The following MYO3A variants were observed in gnomAD, a reference collection of about 807,000 sequenced individuals.
The protein encoded by MYO3A is myosin-IIIa.
A neutral mutation model predicts 192.7 loss-of-function variants in MYO3A; 180 were observed. The ratio of observed to expected loss-of-function variants is 0.93; its 90% confidence interval spans 0.83 to 1.06. The LOEUF is 1.06. MYO3A is among the 50% of genes least tolerant of loss of function. MYO3A has a pLI of 0.00. For synonymous variants in MYO3A, 628 were observed against 645.3 expected (o/e 0.97, Z 0.41); for missense variants, 1,896 against 1,905.0 (o/e 1.00, Z 0.09).
At chr10:26,119,957 A>T (rs189722936) in intron 17 of MYO3A, among the ~76,000 whole-genome samples, 30 of 150,904 alleles carry the variant, frequency 2.0e-4, no homozygotes, top group Admixed American at 4.6e-4. Context: ...GGAGTTCGAG[A>T]CCAGCCTGGG....
At position 26,115,753 on chromosome 10, in the gene MYO3A, A is replaced by G. The variant is rs1838465080; in HGVS notation, c.1777-4923A>G. On this transcript the variant is annotated intron_variant, in intron 17 of 34. Coordinates refer to ENST00000642920, the MANE Select transcript of MYO3A (RefSeq NM_017433.5). ...GGACAGGGCAGGCTTACAAGGACTGATAAGTGCCTTCTAAACTTTCTAATA... is the reference window on the plus strand; with the variant it reads ...GGACAGGGCAGGCTTACAAGGACTGGTAAGTGCCTTCTAAACTTTCTAATA... Among the ~76,000 whole-genome samples the G allele has an allele frequency of 2.0e-5, 3 of 152,208 alleles. No individual in the cohort carries two copies. In the South Asian group the frequency reaches 6.2e-4, roughly 31 times the overall value.
intron 29 of MYO3A, among the ~76,000 whole-genome samples, chr10:26,171,818 T>A (rs150552507): frequency 6.6e-6 from 1 of 152,312 alleles, no homozygotes; most frequent in East Asian, 1.9e-4. Context: ...ATGGACTAAT[T>A]GTACTACTTC....
intron 27 of MYO3A, among the ~76,000 whole-genome samples, chr10:26,167,300 A>C (rs944477377): frequency 1.7e-5 from 2 of 115,514 alleles, no homozygotes; most frequent in South Asian, 4.5e-4. Context: ...TAAGAGATTT[A>C]AAAAAAAAGC....
chr10:26,148,066 A>G (rs538962752), intron 23 of MYO3A, among the ~76,000 whole-genome samples: 20 of 152,216 alleles, frequency 1.3e-4, no homozygotes, highest in Non-Finnish European at 2.9e-4. Context: ...AGTTTTATTG[A>G]AGTATAACTG....
At chr10:25,991,111 T>G (rs1839999244) in intron 4 of MYO3A, among the ~76,000 whole-genome samples, 1 of 152,184 alleles carries the variant, frequency 6.6e-6, no homozygotes, top group Non-Finnish European at 1.5e-5. Flanking sequence ...ATGGTTGAAC[T>G]AGTTTACAGT....
intron 8 of MYO3A, 183 bp downstream of exon 8, chr10:26,021,831 G>A: frequency 2.6e-6 from 2 of 760,148 alleles, no homozygotes; most frequent in Non-Finnish European, 4.3e-6. Flanking sequence ...GCATTTCCCT[G>A]GTCTAAGTAA....
At chr10:25,978,682 C>T (rs919525722) in intron 4 of MYO3A, among the ~76,000 whole-genome samples, 12 of 151,962 alleles carry the variant, frequency 7.9e-5, no homozygotes, top group Non-Finnish European at 4.4e-5. Context: ...AAGAATATTA[C>T]AGAATATAGA....
chr10:26,058,935 A>G (rs1440613208), intron 10 of MYO3A, among the ~76,000 whole-genome samples: 3 of 113,710 alleles, frequency 2.6e-5, no homozygotes, highest in Non-Finnish European at 4.3e-5. Context: ...TAAGTATTTC[A>G]TTGGGGGGTG....
chr10:26,135,237 TG>T (rs1396851308), intron 20 of MYO3A, among the ~76,000 whole-genome samples: 1 of 152,092 alleles, frequency 6.6e-6, no homozygotes, highest in Non-Finnish European at 1.5e-5. Flanking sequence ...TAATCTCCTG[TG>T]CAGAAGAAAA....
Position 26,174,391 on chromosome 10 carries a change from A to G in MYO3A, c.4127A>G (p.His1376Arg), listed in dbSNP as rs1564621234. ...LRKDKMSSFKHQRIVTTPTEV... is the reference protein window; with the variant it reads ...LRKDKMSSFKRQRIVTTPTEV... ...AAGGACAAGATGTCTTCTTTTAAGC[A>G]TCAGAGGATTGTCACAACACCAACA... The change falls in exon 30 of 35, where the codon CAT becomes CGT. Residue 1376 changes from histidine (H) to arginine (R), a missense_variant. By Grantham distance (29) the His-to-Arg change is conservative. Transcript: ENST00000642920. The G allele has an allele frequency of 1.2e-6, 2 of 1,614,234 alleles. No individual in the cohort carries two copies. The highest frequency in any genetic ancestry group is 1.7e-6 in the Non-Finnish European group (2 of 1,180,046).
At chr10:26,094,714 G>A (rs981331829) in intron 15 of MYO3A, among the ~76,000 whole-genome samples, 11 of 152,232 alleles carry the variant, frequency 7.2e-5, no homozygotes, top group African/African-American at 2.2e-4. Flanking sequence ...GTGAGCCACC[G>A]CACGCGGCAA....
rs1841722081 is a variant in MYO3A at position 26,165,984 on chromosome 10, G to A, written c.3000-83G>A. 12 of 1,109,746 alleles carry A rather than the reference G, an allele frequency of 1.1e-5. No homozygotes were observed. The South Asian group carries it at 1.5e-4, about 14-fold the overall frequency. The allele number at this position is 1,109,746 out of a possible 1,614,324, so 68.7% of individuals were successfully genotyped here. ...TCTGGGCATCTCTTCCTCAGCCCCT[G>A]CACTAAGTTGTTGGGGAACCACCAA... On this transcript the variant is annotated intron_variant, in intron 26 of 34. Transcript: ENST00000642920.
intron 4 of MYO3A, among the ~76,000 whole-genome samples, chr10:25,990,528 T>C (rs1293879516): frequency 6.7e-6 from 1 of 148,150 alleles, no homozygotes; most frequent in African/African-American, 2.6e-5. Context: ...TTTTTTATTA[T>C]ACTTTTAAGT....
intron 18 of MYO3A, among the ~76,000 whole-genome samples, chr10:26,124,172 G>T (rs1839050946): frequency 1.6e-5 from 2 of 124,234 alleles, no homozygotes; most frequent in Admixed American, 9.6e-5. Flanking sequence ...TTGGATGACA[G>T]AGCGAGACTT....
chr10:26,055,549 G>A (rs1182223695), intron 10 of MYO3A, among the ~76,000 whole-genome samples: 2 of 152,184 alleles, frequency 1.3e-5, no homozygotes, highest in Admixed American at 1.3e-4. Flanking sequence ...GTTAAAAACT[G>A]TAGGAGATTC....
chr10:26,212,361 T>G lies in MYO3A; in HGVS notation c.*398T>G. On this transcript the variant is annotated 3_prime_UTR_variant, in exon 35 of 35. Coordinates refer to ENST00000642920, the MANE Select transcript of MYO3A (RefSeq NM_017433.5). The stretch of plus-strand genomic sequence containing the variant: ...TGACTGAATTCACAGATTTTTTTTT[T>G]TATTGGAAACGGCTTTTCTTGGCCA... 2.7e-6 allele frequency: 1 copy of G among 366,776 alleles called. No homozygotes were observed. The highest frequency in any genetic ancestry group is 2.1e-5 in the African/African-American group (1 of 48,160). The allele number at this position is 366,776 out of a possible 1,614,324, so 22.7% of individuals were successfully genotyped here. A position where few individuals can be genotyped will look rare whatever the true frequency, so the allele number is the denominator to read the frequency against.
At chr10:26,100,441 T>A (rs1455280479) in intron 17 of MYO3A, among the ~76,000 whole-genome samples, 1 of 152,230 alleles carries the variant, frequency 6.6e-6, no homozygotes, top group Non-Finnish European at 1.5e-5. Context: ...TCTTGCCTTC[T>A]GCTAGCTTTT....
rs375749535 is a variant in MYO3A at position 26,158,258 on chromosome 10, T to A, written c.2999+743T>A. Among the ~76,000 whole-genome samples, 336 of 147,382 alleles carry A rather than the reference T, an allele frequency of 2.3e-3. 1 individual carries two copies. Among genetic ancestry groups the A allele is most frequent in the African/African-American group, 7.2e-3 (294 of 40,568 alleles). ...GTATAAGGAATGTTTTATTTTATTT[T>A]TTTTTTTTTTTTGAGACGGAGTCTG... is the stretch of plus-strand genomic sequence containing the variant. On this transcript the variant is annotated intron_variant, in intron 26 of 34. Coordinates refer to ENST00000642920, the MANE Select transcript of MYO3A (RefSeq NM_017433.5).
chr10:26,190,062 C>CA (rs1337959132), intron 31 of MYO3A, among the ~76,000 whole-genome samples: 6 of 150,788 alleles, frequency 4.0e-5, no homozygotes, highest in African/African-American at 1.5e-4. Flanking sequence ...GACTCCATCT[C>CA]AAAAAATAAA....
Sources: gnomAD v4.1 joint callset for allele counts (sites outside exome capture counted in the v4.1 genomes callset) on GRCh38, gnomAD v4.1.1 for gene constraint, MANE v1.5 for transcripts, NCBI Gene and HGNC (gene_info 2026-07-23, HGNC 2026-07-21) for gene names.